NRXN3: variants seen among roughly 807,000 people sequenced by gnomAD.
NRXN3 encodes the protein neurexin 3.
Under a neutral mutation model 137.6 loss-of-function variants are expected in NRXN3, and 32 were observed. The observed-to-expected ratio is 0.23, with a 90% CI of 0.18 to 0.31. The LOEUF (loss-of-function observed/expected upper bound fraction) is 0.31, where lower values mean the gene tolerates loss of function less well. Ranked by LOEUF, NRXN3 falls within the 10% of genes least tolerant of loss-of-function variation. The probability of loss-of-function intolerance (pLI) is 1.00; values close to 1 mark genes in which losing one functional copy is unlikely to be tolerated. For missense variants in NRXN3, 1,574 were observed against 2,062.5 expected, an observed-to-expected ratio of 0.76 and a Z score of 4.59; for synonymous variants, 798 against 784.5, an observed-to-expected ratio of 1.02 and a Z score of -0.29.
chr14:78,704,075 A>G (rs1049067329), intron 6 of NRXN3, among the ~76,000 whole-genome samples: 1 of 152,228 alleles, frequency 6.6e-6, no homozygotes, highest in Non-Finnish European at 1.5e-5. Context: ...GGCCTGGGAT[A>G]AGATGGCAGA....
intron 15 of NRXN3, among the ~76,000 whole-genome samples, chr14:79,427,983 ACGTGTGTGTGTG>A (rs1306532318): frequency 2.0e-5 from 3 of 152,036 alleles, no homozygotes; most frequent in South Asian, 2.1e-4. Flanking sequence ...CACGTTCTGC[ACGTGTGTGTGTG>A]CGTGTGTGTG....
chr14:79,126,241 T>A (rs942820491), intron 15 of NRXN3, among the ~76,000 whole-genome samples: 1 of 152,144 alleles, frequency 6.6e-6, no homozygotes, highest in Non-Finnish European at 1.5e-5. Context: ...TAGTTACCTA[T>A]GTATACATGT....
chr14:79,370,345 T>C (rs1210572244), intron 15 of NRXN3, among the ~76,000 whole-genome samples: 1 of 133,918 alleles, frequency 7.5e-6, no homozygotes, highest in Non-Finnish European at 1.6e-5. Context: ...TGAGATGGAG[T>C]TTTGCTCTTA....
Position 79,031,462 on chromosome 14 carries a change from A to G in NRXN3, c.3262+43321A>G, listed in dbSNP as rs141602920. On this transcript the variant is annotated intron_variant, in intron 15 of 20. Transcript: ENST00000335750. Reference sequence around the variant, plus strand: ...AGGTAATGTTTGGGAATAAGAAACTATAAGAGTAGGATTTGGCTATTTGCA... The same window carrying G: ...AGGTAATGTTTGGGAATAAGAAACTGTAAGAGTAGGATTTGGCTATTTGCA... Among the ~76,000 whole-genome samples the G allele has an allele frequency of 2.4e-3, 364 of 152,276 alleles. 2 individuals are homozygous for G. Among genetic ancestry groups the G allele is most frequent in the African/African-American group, 7.9e-3 (329 of 41,564 alleles).
At chr14:79,251,475 C>A (rs1394004929) in intron 15 of NRXN3, among the ~76,000 whole-genome samples, 1 of 151,992 alleles carries the variant, frequency 6.6e-6, no homozygotes, top group African/African-American at 2.4e-5. Flanking sequence ...ATACAACGTA[C>A]AATAAGTAGG....
intron 4 of NRXN3, among the ~76,000 whole-genome samples, chr14:78,394,899 C>T (rs79751276): frequency 0.084 from 12,665 of 151,532 alleles, 923 homozygotes; most frequent in African/African-American, 0.2. Context: ...TTGATATGTT[C>T]GGGGGCTGTA....
Position 78,428,796 on chromosome 14 carries a change from G to A in NRXN3, c.757+130936G>A, listed in dbSNP as rs1424299621. Reference sequence around the variant, plus strand: ...CTTACTGCGGGAGGTCAGCCTTTGTGTTCTATTCTGCTCTTCACCCAATTG... The same window carrying A: ...CTTACTGCGGGAGGTCAGCCTTTGTATTCTATTCTGCTCTTCACCCAATTG... On this transcript the variant is annotated intron_variant, in intron 4 of 20. Coordinates refer to ENST00000335750, the MANE Select transcript of NRXN3 (RefSeq NM_001330195.2). 2.0e-5 allele frequency among the ~76,000 whole-genome samples: 3 copies of A among 152,114 alleles called. No individual in the cohort carries two copies. The East Asian group carries it at 5.8e-4, about 29-fold the overall frequency.
intron 8 of NRXN3, among the ~76,000 whole-genome samples, chr14:78,768,213 T>C (rs913801943): frequency 2.0e-5 from 3 of 152,168 alleles, no homozygotes; most frequent in African/African-American, 7.2e-5. Flanking sequence ...ATATTTACTT[T>C]TCTTTGTGTT....
At chr14:79,818,257 G>C (rs1004094405) in intron 20 of NRXN3, among the ~76,000 whole-genome samples, 1 of 151,948 alleles carries the variant, frequency 6.6e-6, no homozygotes, top group African/African-American at 2.4e-5. Context: ...GTTTCACCGT[G>C]GTAGCCAGGA....
At chr14:78,780,710 T>C (rs1444979940) in intron 8 of NRXN3, among the ~76,000 whole-genome samples, 1 of 152,176 alleles carries the variant, frequency 6.6e-6, no homozygotes, top group Admixed American at 6.5e-5. Flanking sequence ...AAAGCATGTA[T>C]AGCCACACTA....
intron 15 of NRXN3, among the ~76,000 whole-genome samples, chr14:79,186,542 C>T (rs2063566780): frequency 6.6e-6 from 1 of 152,096 alleles, no homozygotes; most frequent in African/African-American, 2.4e-5. Flanking sequence ...GTCCCAAAGG[C>T]AGAAGAAAGA....
Position 79,392,563 on chromosome 14 carries a change from G to A in NRXN3, c.3263-74658G>A, listed in dbSNP as rs116587041. Among the ~76,000 whole-genome samples, 752 of 152,144 alleles carry A rather than the reference G, an allele frequency of 4.9e-3. 6 individuals carry two copies. The highest frequency in any genetic ancestry group is 0.017 in the African/African-American group (724 of 41,498). ...TCTGGTTCTAGATCCTTGAAGAATC[G>A]CCACACTGCCAACAAACATATGAAA... On this transcript the variant is annotated intron_variant, in intron 15 of 20. Coordinates refer to ENST00000335750, the MANE Select transcript of NRXN3 (RefSeq NM_001330195.2).
chr14:78,927,822 C>A (rs973094124), intron 10 of NRXN3, among the ~76,000 whole-genome samples: 1 of 152,164 alleles, frequency 6.6e-6, no homozygotes, highest in Non-Finnish European at 1.5e-5. Flanking sequence ...CAGGACAGTG[C>A]AGTCGTTAAG....
intron 15 of NRXN3, among the ~76,000 whole-genome samples, chr14:79,022,648 T>G (rs1568019173): frequency 6.6e-6 from 1 of 152,194 alleles, no homozygotes; most frequent in East Asian, 1.9e-4. Flanking sequence ...ACTCCCCTGC[T>G]GCAATCAGTC....
intron 15 of NRXN3, among the ~76,000 whole-genome samples, chr14:79,141,653 A>C (rs1214125624): frequency 6.6e-6 from 1 of 152,222 alleles, no homozygotes; most frequent in African/African-American, 2.4e-5. Context: ...ATCAACATTT[A>C]AAAGTAGTTA....
At chr14:79,180,223 GT>G in intron 15 of NRXN3, among the ~76,000 whole-genome samples, 1 of 152,228 alleles carries the variant, frequency 6.6e-6, no homozygotes, top group Middle Eastern at 3.4e-3. Context: ...CAAGGTAGCC[GT>G]GACAATGTAG....
At chr14:79,190,705 T>A (rs2064175551) in intron 15 of NRXN3, among the ~76,000 whole-genome samples, 1 of 152,064 alleles carries the variant, frequency 6.6e-6, no homozygotes, top group African/African-American at 2.4e-5. Context: ...ATTCTTAAGA[T>A]CCCCTGGAAT....
At chr14:78,602,657 C>A (rs1389262404) in intron 4 of NRXN3, among the ~76,000 whole-genome samples, 1 of 152,064 alleles carries the variant, frequency 6.6e-6, no homozygotes, top group African/African-American at 2.4e-5. Flanking sequence ...GGTCTTTTTT[C>A]CAGGGGTTGA....
intron 19 of NRXN3, among the ~76,000 whole-genome samples, chr14:79,779,523 C>A (rs941361202): frequency 1.3e-5 from 2 of 152,166 alleles, no homozygotes; most frequent in African/African-American, 4.8e-5. Flanking sequence ...GTTCATTTGT[C>A]TGGACTTTGG....
Sources: allele counts gnomAD v4.1 joint callset (sites outside exome capture counted in the v4.1 genomes callset), GRCh38; gene constraint gnomAD v4.1.1; transcripts MANE v1.5; gene names NCBI Gene and HGNC (gene_info 2026-07-23, HGNC 2026-07-21).